SPEF2: variants seen among roughly 807,000 people sequenced by gnomAD.
The protein encoded by SPEF2 is sperm flagella and cilia-associated protein 2.
SPEF2 carries 187 observed loss-of-function variants against 224.6 expected under a neutral mutation model. That is an observed-to-expected ratio of 0.83 (90% CI 0.74 to 0.94). The LOEUF (loss-of-function observed/expected upper bound fraction) is 0.94. SPEF2 is among the 40% of genes least tolerant of loss of function. The pLI is 0.00. For synonymous variants in SPEF2, 715 were observed against 707.3 expected (o/e 1.01, Z -0.17); for missense variants, 2,170 against 2,135.6 (o/e 1.02, Z -0.32).
intron 23 of SPEF2, among the ~76,000 whole-genome samples, chr5:35,752,472 T>G (rs890213754): frequency 6.6e-6 from 1 of 151,802 alleles, no homozygotes; most frequent in Non-Finnish European, 1.5e-5. Context: ...ATTTTTTAAT[T>G]TTTTATAGAA....
intron 8 of SPEF2, among the ~76,000 whole-genome samples, chr5:35,665,859 A>G (rs1298933188): frequency 1.3e-5 from 2 of 152,184 alleles, no homozygotes; most frequent in Non-Finnish European, 2.9e-5. Context: ...CTTAGTGATC[A>G]CCCAGCTTAA....
intron 10 of SPEF2, chr5:35,670,898 G>C (rs1751146571): frequency 1.0e-6 from 1 of 985,192 alleles, no homozygotes; most frequent in African/African-American, 1.7e-5. Flanking sequence ...AAAATAACAT[G>C]AGTTAAACAC....
chr5:35,658,883 T>A, intron 7 of SPEF2, 136 bp from the exon 8 acceptor site: 2 of 613,000 alleles, frequency 3.3e-6, no homozygotes, highest in South Asian at 7.7e-5. Flanking sequence ...TTTTTTGCCA[T>A]GTTCAAATTA....
intron 2 of SPEF2, among the ~76,000 whole-genome samples, chr5:35,629,986 G>T (rs1260737153): frequency 6.6e-6 from 1 of 152,060 alleles, no homozygotes; most frequent in Admixed American, 6.5e-5. Context: ...TATTCTTGGG[G>T]TATTGGTTCC....
chr5:35,699,065 A>G (rs1755749113), intron 15 of SPEF2: 1 of 152,194 alleles, frequency 6.6e-6, no homozygotes, highest in South Asian at 2.1e-4. Context: ...TGACCTGAAG[A>G]CAGCTTGATA....
At chr5:35,725,177 CT>C (rs1744422448) in intron 20 of SPEF2, among the ~76,000 whole-genome samples, 2 of 152,172 alleles carry the variant, frequency 1.3e-5, no homozygotes, top group African/African-American at 4.8e-5. Flanking sequence ...CATTTCTGAG[CT>C]AAAATTTTCA....
chr5:35,690,223 G>C (rs1754248821), intron 10 of SPEF2, among the ~76,000 whole-genome samples: 1 of 152,100 alleles, frequency 6.6e-6, no homozygotes, highest in South Asian at 2.1e-4. Flanking sequence ...AGGAACATTT[G>C]AATTGTTCTC....
At chr5:35,740,688 C>T (rs1017985713) in intron 23 of SPEF2, among the ~76,000 whole-genome samples, 2 of 152,162 alleles carry the variant, frequency 1.3e-5, no homozygotes, top group African/African-American at 4.8e-5. Context: ...GAATAGATCT[C>T]TTAAGGGCTG....
rs1747393938 is a variant in SPEF2 at position 35,646,551 on chromosome 5, A to C, written c.586-116A>C. The C allele has an allele frequency of 3.4e-5, 34 of 985,780 alleles. 1 individual carries two copies. In the South Asian group the frequency reaches 6.3e-4, roughly 18 times the overall value. 61.1% of individuals were successfully genotyped at this position (985,780 alleles called of 1,614,324 possible). On this transcript the variant is annotated intron_variant, in intron 4 of 36. Coordinates refer to ENST00000356031, the MANE Select transcript of SPEF2 (RefSeq NM_024867.4). ...GTTGTGACACCTAGTCTCTTGGCTAATTGCTGGGTTCTGAAATTTTCAATA... is the reference window on the plus strand; with the variant it reads ...GTTGTGACACCTAGTCTCTTGGCTACTTGCTGGGTTCTGAAATTTTCAATA...
At chr5:35,644,826 G>T (rs1476084905) in intron 4 of SPEF2, among the ~76,000 whole-genome samples, 3 of 152,164 alleles carry the variant, frequency 2.0e-5, no homozygotes, top group Non-Finnish European at 4.4e-5. Context: ...TTTAGTGATG[G>T]AGGGTTGCTA....
At chr5:35,737,830 A>G (rs186049618) in intron 21 of SPEF2, among the ~76,000 whole-genome samples, 60 of 152,304 alleles carry the variant, frequency 3.9e-4, no homozygotes, top group African/African-American at 1.3e-3. Flanking sequence ...AGTCCCACCA[A>G]CAGTATAAAA....
chr5:35,647,764 C>T (rs1371715579), intron 5 of SPEF2, among the ~76,000 whole-genome samples: 1 of 152,120 alleles, frequency 6.6e-6, no homozygotes, highest in Non-Finnish European at 1.5e-5. Context: ...CATCATGCCA[C>T]ACTATTTTTC....
intron 20 of SPEF2, among the ~76,000 whole-genome samples, chr5:35,715,911 A>G (rs555754347): frequency 6.7e-6 from 1 of 149,876 alleles, no homozygotes; most frequent in African/African-American, 2.4e-5. Flanking sequence ...CAGGCTCTAA[A>G]AAGCGTATCA....
intron 4 of SPEF2, 135 bp from the exon 5 acceptor site, chr5:35,646,532 A>G: frequency 1.4e-6 from 1 of 724,964 alleles, no homozygotes; most frequent in Non-Finnish European, 2.2e-6. Flanking sequence ...CACAGTTGTG[A>G]CACCTAGTCT....
intron 10 of SPEF2, among the ~76,000 whole-genome samples, chr5:35,675,190 A>G (rs937122280): frequency 3.9e-5 from 6 of 152,170 alleles, no homozygotes; most frequent in African/African-American, 9.7e-5. Flanking sequence ...CTATTATTCT[A>G]TTGTAAAAAT....
At chr5:35,712,708 G>A (rs1741412429) in intron 19 of SPEF2, 104 bp from the exon 20 acceptor site, 2 of 1,108,258 alleles carry the variant, frequency 1.8e-6, no homozygotes, top group African/African-American at 1.6e-5. Flanking sequence ...GTTCACAAAT[G>A]TAACTGTTTA....
intron 19 of SPEF2, among the ~76,000 whole-genome samples, chr5:35,711,886 T>G (rs1315953556): frequency 6.6e-6 from 1 of 152,208 alleles, no homozygotes; most frequent in African/African-American, 2.4e-5. Flanking sequence ...TGGTTCATCC[T>G]TTAAAATGAA....
chr5:35,737,225 T>TA (rs1485247566), intron 21 of SPEF2, among the ~76,000 whole-genome samples: 1 of 152,230 alleles, frequency 6.6e-6, no homozygotes, highest in Non-Finnish European at 1.5e-5. Context: ...TGATTTTTTT[T>TA]ATTATACTTT....
At chr5:35,787,152 T>C (rs901552167) in intron 30 of SPEF2, among the ~76,000 whole-genome samples, 2 of 151,876 alleles carry the variant, frequency 1.3e-5, no homozygotes. Context: ...GTGTGACAAA[T>C]AATCAAATAT....
Sources: allele counts gnomAD v4.1 joint callset (sites outside exome capture counted in the v4.1 genomes callset), GRCh38; gene constraint gnomAD v4.1.1; transcripts MANE v1.5; gene names NCBI Gene and HGNC (gene_info 2026-07-23, HGNC 2026-07-21).